The following RAP1A variants were observed in gnomAD, a reference collection of about 807,000 sequenced individuals.
RAP1A encodes ras-related protein Rap-1A.
RAP1A carries 6 observed loss-of-function variants against 26.4 expected under a neutral mutation model. The ratio of observed to expected loss-of-function variants is 0.23; its 90% confidence interval spans 0.12 to 0.45. RAP1A has a LOEUF of 0.45. RAP1A is among the 20% of genes least tolerant of loss of function. The probability of loss-of-function intolerance (pLI) is 0.99; values close to 1 mark genes in which losing one functional copy is unlikely to be tolerated. For missense variants in RAP1A, 121 were observed against 217.2 expected (o/e 0.56, Z 2.78); for synonymous variants, 73 against 79.4 (o/e 0.92, Z 0.43).
At chr1:111,618,474 C>T (rs1659062646), upstream of RAP1A, among the ~76,000 whole-genome samples, 1 of 152,164 alleles carries the variant, frequency 6.6e-6, no homozygotes, top group African/African-American at 2.4e-5. Context: ...GTTGGAGTGC[C>T]TCTTGGTCCT....
At chr1:111,581,193 T>C (rs936718412) in intron 1 of RAP1A, among the ~76,000 whole-genome samples, 1 of 151,760 alleles carries the variant, frequency 6.6e-6, no homozygotes, top group Non-Finnish European at 1.5e-5. Flanking sequence ...TTGACTATGA[T>C]GGGAGACGGT....
chr1:111,601,189 G>C (rs1219333884), intron 1 of RAP1A, among the ~76,000 whole-genome samples: 2 of 152,206 alleles, frequency 1.3e-5, no homozygotes, highest in East Asian at 3.8e-4. Flanking sequence ...TAAACCACCT[G>C]CTTCTCTTTG....
intron 1 of RAP1A, among the ~76,000 whole-genome samples, chr1:111,652,365 G>A (rs535704127): frequency 2.0e-5 from 3 of 152,298 alleles, no homozygotes; most frequent in Non-Finnish European, 2.9e-5. Flanking sequence ...CAAAGTTGAC[G>A]TTGACAGCAA....
At chr1:111,642,170 G>T (rs750187484) in intron 1 of RAP1A, among the ~76,000 whole-genome samples, 1 of 151,972 alleles carries the variant, frequency 6.6e-6, no homozygotes, top group Non-Finnish European at 1.5e-5. Context: ...ACGTGAACCC[G>T]GGAGGCGGAG....
chr1:111,555,741 T>A (rs775572014), intron 1 of RAP1A, among the ~76,000 whole-genome samples: 7 of 152,106 alleles, frequency 4.6e-5, no homozygotes, highest in Non-Finnish European at 8.8e-5. Flanking sequence ...GCTTACCTTA[T>A]ACCATATACA....
chr1:111,616,475 C>T (rs149310816), upstream of RAP1A, among the ~76,000 whole-genome samples: 3 of 152,122 alleles, frequency 2.0e-5, no homozygotes, highest in South Asian at 2.1e-4. Flanking sequence ...GTCCCCTAAC[C>T]GCCTTACTCA....
At chr1:111,658,684 C>T (rs974690205) in intron 1 of RAP1A, among the ~76,000 whole-genome samples, 4 of 152,286 alleles carry the variant, frequency 2.6e-5, no homozygotes, top group African/African-American at 4.8e-5. Context: ...ATCACATATG[C>T]GGTCTAAACA....
intron 1 of RAP1A, among the ~76,000 whole-genome samples, chr1:111,640,709 C>T (rs1475596550): frequency 6.6e-6 from 1 of 152,150 alleles, no homozygotes. Context: ...CCTGTAATCC[C>T]AGCACTTTGG....
At chr1:111,654,227 CTTTTTTATT>C (rs1219754509) in intron 1 of RAP1A, among the ~76,000 whole-genome samples, 2 of 152,132 alleles carry the variant, frequency 1.3e-5, no homozygotes, top group Non-Finnish European at 2.9e-5. Context: ...AATTTGCCAT[CTTTTTTATT>C]TTTTTTAACC....
At chr1:111,563,878 G>A (rs757049478) in intron 1 of RAP1A, 3 of 1,613,524 alleles carry the variant, frequency 1.9e-6, no homozygotes, top group Non-Finnish European at 1.7e-6. Flanking sequence ...CCAGTGTCCA[G>A]TCTGGCTGCT....
Position 111,574,527 on chromosome 1 carries a change from A to G in RAP1A, c.-28+32018A>G, listed in dbSNP as rs140848231. 6.4e-3 allele frequency among the ~76,000 whole-genome samples: 977 copies of G among 152,294 alleles called. 4 individuals carry two copies. The highest frequency in any genetic ancestry group is 0.01 in the Non-Finnish European group (707 of 68,030). ...GGTAGTTTGATACGAATAGCACTGGATCTGTAAATTGCTTTGAGCAGTTTG... is the reference window on the plus strand; with the variant it reads ...GGTAGTTTGATACGAATAGCACTGGGTCTGTAAATTGCTTTGAGCAGTTTG... On this transcript the variant is annotated intron_variant, in intron 1 of 7. Transcript: ENST00000356415.
Position 111,591,576 on chromosome 1 carries a change from A to T in RAP1A, c.-28+49067A>T, listed in dbSNP as rs933575116. Among the ~76,000 whole-genome samples, 3 of 152,324 alleles carry T rather than the reference A, an allele frequency of 2.0e-5. No individual in the cohort carries two copies. The South Asian group carries it at 6.2e-4, about 32-fold the overall frequency. On this transcript the variant is annotated intron_variant, in intron 1 of 7. Coordinates refer to the RAP1A transcript ENST00000356415. ...TTTATTTAGGACTTAATCACAATTG[A>T]TTTATTCCTAAAGTTATTTAGAAGT...
intron 1 of RAP1A, among the ~76,000 whole-genome samples, chr1:111,667,619 T>C (rs1434991436): frequency 1.3e-5 from 2 of 151,308 alleles, no homozygotes; most frequent in Non-Finnish European, 2.9e-5. Context: ...GAGGCGGAGG[T>C]TGCAGTGAGC....
At chr1:111,708,225 G>C (rs977193211) in intron 6 of RAP1A, among the ~76,000 whole-genome samples, 1 of 141,800 alleles carries the variant, frequency 7.1e-6, no homozygotes, top group Non-Finnish European at 1.5e-5. Context: ...TTCAAATCAA[G>C]GATTAGCAGA....
At chr1:111,698,619 C>T (rs1052840482) in intron 4 of RAP1A, among the ~76,000 whole-genome samples, 2 of 151,994 alleles carry the variant, frequency 1.3e-5, no homozygotes, top group Non-Finnish European at 2.9e-5. Context: ...AAGTTTTCCA[C>T]TATAATTTTT....
At chr1:111,577,481 G>C (rs1658170770) in intron 1 of RAP1A, among the ~76,000 whole-genome samples, 1 of 151,030 alleles carries the variant, frequency 6.6e-6, no homozygotes, top group Admixed American at 6.6e-5. Flanking sequence ...CTGACATATG[G>C]GTATTCTTTT....
chr1:111,571,338 A>G (rs1658045255), intron 1 of RAP1A, among the ~76,000 whole-genome samples: 1 of 152,142 alleles, frequency 6.6e-6, no homozygotes, highest in Non-Finnish European at 1.5e-5. Context: ...CCCATTGTTC[A>G]AGACTTTTTA....
chr1:111,585,399 T>C (rs1325975508), intron 1 of RAP1A, among the ~76,000 whole-genome samples: 2 of 152,096 alleles, frequency 1.3e-5, no homozygotes, highest in African/African-American at 4.8e-5. Context: ...ATTAAGGAGA[T>C]TAAATAGATC....
At chr1:111,570,797 G>A (rs1571476733) in intron 1 of RAP1A, among the ~76,000 whole-genome samples, 1 of 152,108 alleles carries the variant, frequency 6.6e-6, no homozygotes, top group East Asian at 1.9e-4. Context: ...ACCCAGTCTG[G>A]CCAGAGCAAG....
Sources: gnomAD v4.1 joint callset for allele counts (sites outside exome capture counted in the v4.1 genomes callset) on GRCh38, gnomAD v4.1.1 for gene constraint, MANE v1.5 for transcripts, NCBI Gene and HGNC (gene_info 2026-07-23, HGNC 2026-07-21) for gene names.